HECA: variants seen among roughly 807,000 people sequenced by gnomAD.
HECA encodes HECA ribonucleoprotein granule regulator, also known as headcase protein homolog.
HECA carries 13 observed loss-of-function variants against 37.6 expected under a neutral mutation model. The observed-to-expected ratio is 0.35, with a 90% CI of 0.23 to 0.55. The LOEUF is 0.55. Among genes scored for constraint, HECA ranks in the 20% least tolerant of loss-of-function variants. HECA has a pLI of 0.90. For missense variants in HECA, 527 were observed against 701.9 expected, an observed-to-expected ratio of 0.75 and a Z score of 2.82; for synonymous variants, 307 against 291.5, an observed-to-expected ratio of 1.05 and a Z score of -0.54.
chr6:139,168,703 C>T (rs552967133), intron 2 of HECA, among the ~76,000 whole-genome samples: 9 of 151,702 alleles, frequency 5.9e-5, no homozygotes, highest in African/African-American at 7.3e-5. Context: ...ATTTTTTTCT[C>T]GGTTTATTCT....
chr6:139,155,264 A>T (rs1368720084), intron 1 of HECA, among the ~76,000 whole-genome samples: 1 of 152,228 alleles, frequency 6.6e-6, no homozygotes, highest in Non-Finnish European at 1.5e-5. Context: ...AAAATACAGT[A>T]CAAAAGATAA....
In HECA at chr6:139,167,091, A is replaced by G. The variant is rs1300949040; in HGVS notation, c.1079A>G (p.Lys360Arg). Reference protein sequence around the residue: ...SELLTHIPRHKLNTFHVRMED... With the variant: ...SELLTHIPRHRLNTFHVRMED... ...CTCCTCACTCACATCCCCAGGCATA[A>G]GCTGAACACTTTCCACGTGCGCATG... Residue 360 changes from lysine (K) to arginine (R), a missense_variant, in exon 2 of 4, where the codon AAG becomes AGG. Lys to Arg is a conservative substitution (Grantham distance 26). Around this residue, in one of 4 missense-constraint regions of HECA, gnomAD observed 228 missense variants for 259.8 expected, o/e 0.88. Coordinates refer to ENST00000367658, the MANE Select transcript of HECA (RefSeq NM_016217.3). The G allele has an allele frequency of 6.2e-7, 1 of 1,614,196 alleles. No homozygotes were observed. Among genetic ancestry groups the G allele is most frequent in the Non-Finnish European group, 8.5e-7 (1 of 1,180,040 alleles).
At chr6:139,167,484 C>T (rs940201574) in intron 2 of HECA, among the ~76,000 whole-genome samples, 160 bp downstream of exon 2, 1 of 152,144 alleles carries the variant, frequency 6.6e-6, no homozygotes, top group African/African-American at 2.4e-5. Flanking sequence ...CCCAGTGACG[C>T]GGTGATTTTT....
At chr6:139,171,896 A>T (rs186683915) in intron 2 of HECA, among the ~76,000 whole-genome samples, 1 of 150,340 alleles carries the variant, frequency 6.7e-6, no homozygotes, top group African/African-American at 2.5e-5. Flanking sequence ...CAATGGTGCT[A>T]TCTCGGCTCA....
Position 139,166,791 on chromosome 6 carries a change from A to G in HECA, c.779A>G (p.Tyr260Cys). 2 of 1,613,668 alleles carry G rather than the reference A, an allele frequency of 1.2e-6. No individual in the cohort carries two copies. Among genetic ancestry groups the G allele is most frequent in the Non-Finnish European group, 1.7e-6 (2 of 1,179,946 alleles). The part of the protein sequence containing the change: ...SQEKAVGAAA[Y>C]GARSPGGSPG... ...GAGAAGGCAGTGGGTGCCGCAGCCTACGGTGCCCGTTCCCCCGGTGGCTCC... is the reference window on the plus strand; with the variant it reads ...GAGAAGGCAGTGGGTGCCGCAGCCTGCGGTGCCCGTTCCCCCGGTGGCTCC... The change falls in exon 2 of 4, where the codon TAC (tyrosine) becomes TGC (cysteine). Residue 260 changes from tyrosine (Y) to cysteine (C), a missense_variant. Around this residue, in one of 4 missense-constraint regions of HECA, gnomAD observed 228 missense variants for 259.8 expected, o/e 0.88. Transcript: ENST00000367658.
In HECA at chr6:139,171,809, CTTG is replaced by C. The variant is rs560943424; in HGVS notation, c.1313-2561_1313-2559del. 4.0e-4 allele frequency among the ~76,000 whole-genome samples: 61 copies of C among 151,258 alleles called. 1 individual carries two copies. Among genetic ancestry groups the C allele is most frequent in the Non-Finnish European group, 4.6e-4 (31 of 67,790 alleles). ...ACTCGGCTTATTTAATTTGTTTAAACTTGTTGTTGTTGTTGTTTGTTGTTGTGT... is the reference window on the plus strand; with the variant it reads ...ACTCGGCTTATTTAATTTGTTTAAACTTGTTGTTGTTGTTTGTTGTTGTGT... On this transcript the variant is annotated intron_variant, in intron 2 of 3. Transcript: ENST00000367658.
intron 1 of HECA, among the ~76,000 whole-genome samples, chr6:139,160,176 G>A (rs975718655): frequency 7.2e-5 from 11 of 152,182 alleles, no homozygotes; most frequent in African/African-American, 2.7e-4. Context: ...TTTAACTTGA[G>A]CAGAAGAAAT....
At chr6:139,149,379 T>A (rs1774624826) in intron 1 of HECA, among the ~76,000 whole-genome samples, 1 of 152,248 alleles carries the variant, frequency 6.6e-6, no homozygotes, top group Non-Finnish European at 1.5e-5. Flanking sequence ...TGATACTGTT[T>A]GTGACGAGCT....
chr6:139,157,603 A>C (rs1384867612), intron 1 of HECA, among the ~76,000 whole-genome samples: 3 of 152,242 alleles, frequency 2.0e-5, no homozygotes, highest in Non-Finnish European at 2.9e-5. Flanking sequence ...TGAAGAAGAA[A>C]TCTACTTCTT....
chr6:139,147,514 A>G (rs533911871), intron 1 of HECA, among the ~76,000 whole-genome samples: 304 of 152,090 alleles, frequency 2.0e-3, no homozygotes, highest in Non-Finnish European at 3.1e-3. Flanking sequence ...AGTCCCAGCT[A>G]CTCGGGAGGC....
intron 1 of HECA, among the ~76,000 whole-genome samples, chr6:139,153,689 G>T (rs930501956): frequency 6.6e-6 from 1 of 152,048 alleles, no homozygotes; most frequent in Non-Finnish European, 1.5e-5. Context: ...AAAGTGCTGG[G>T]ATTACAGGTG....
chr6:139,140,485 G>A (rs1273587021), intron 1 of HECA, among the ~76,000 whole-genome samples: 1 of 152,106 alleles, frequency 6.6e-6, no homozygotes, highest in Admixed American at 6.5e-5. Context: ...TCTTCTGTGC[G>A]CCGTTCATGG....
At chr6:139,170,215 T>G (rs1043248898) in intron 2 of HECA, 2 of 152,236 alleles carry the variant, frequency 1.3e-5, no homozygotes, top group Admixed American at 6.5e-5. Flanking sequence ...AGAATAGTAG[T>G]GTTCTTTTTC....
At position 139,177,031 on chromosome 6, in the gene HECA, T is replaced by A; in HGVS notation, c.1558T>A (p.Cys520Ser). 1 of 872,206 alleles carries A rather than the reference T, an allele frequency of 1.1e-6. No homozygotes were observed. The highest frequency in any genetic ancestry group is 2.0e-6 in the Non-Finnish European group (1 of 501,004). The allele number at this position is 872,206 out of a possible 1,614,324, so 54.0% of individuals were successfully genotyped here. The change falls in exon 4 of 4, where the codon TGT becomes AGT. Residue 520 changes from cysteine to serine, a missense_variant. Cys to Ser is a moderately radical substitution (Grantham distance 112). Around this residue, in one of 4 missense-constraint regions of HECA, gnomAD observed 106 missense variants for 193.4 expected, o/e 0.55. Coordinates refer to ENST00000367658, the MANE Select transcript of HECA (RefSeq NM_016217.3). The surrounding 1 kb of genome is among the most constrained non-coding windows in gnomAD (Gnocchi z 4.9). ...CTCCGAATATAGCAACGTCCAGCAG[T>A]GTCCACACTGTGGGAACCTGGACTA... ...YFSEYSNVQQ[C>S]PHCGNLDYHF...
chr6:139,179,856 T>C lies in HECA; in HGVS notation c.*2751T>C, dbSNP rs1192409543. The C allele has an allele frequency of 1.3e-5, 2 of 152,216 alleles. No homozygotes were observed. Among genetic ancestry groups the C allele is most frequent in the Non-Finnish European group, 2.9e-5 (2 of 68,032 alleles). 9.4% of individuals were successfully genotyped at this position (152,216 alleles called of 1,614,324 possible). On this transcript the variant is annotated 3_prime_UTR_variant, in exon 4 of 4. Transcript: ENST00000367658. ...TTCTGATGAATAGTGTTCAGTAAAA[T>C]GAAGCAGTCTTAAGAGTGACTAATA...
intron 1 of HECA, among the ~76,000 whole-genome samples, chr6:139,162,024 T>C (rs538422422): frequency 1.3e-5 from 2 of 152,324 alleles, no homozygotes; most frequent in South Asian, 4.1e-4. Flanking sequence ...CCTCTTGTCA[T>C]GTGTGGGTTT....
chr6:139,166,147 A>C (rs1761850415), intron 1 of HECA, 137 bp from the exon 2 acceptor site: 2 of 700,520 alleles, frequency 2.9e-6, no homozygotes, highest in South Asian at 1.9e-5. Context: ...GGAGTGATTC[A>C]TCTTTAAAGG....
chr6:139,150,759 A>G (rs1774640735), intron 1 of HECA, among the ~76,000 whole-genome samples: 1 of 152,156 alleles, frequency 6.6e-6, no homozygotes, highest in Non-Finnish European at 1.5e-5. Context: ...CATACCATAA[A>G]ATTATATCTG....
intron 1 of HECA, among the ~76,000 whole-genome samples, chr6:139,146,287 A>G (rs1000862737): frequency 3.3e-5 from 5 of 152,224 alleles, no homozygotes; most frequent in Non-Finnish European, 5.9e-5. Flanking sequence ...TTGAAAATGT[A>G]TATTTTTCTC....
Sources: allele counts gnomAD v4.1 joint callset (sites outside exome capture counted in the v4.1 genomes callset), GRCh38; gene constraint gnomAD v4.1.1; regional missense constraint gnomAD v4.1.1; non-coding constraint Gnocchi (gnomAD v3.1); transcripts MANE v1.5; gene names NCBI Gene and HGNC (gene_info 2026-07-23, HGNC 2026-07-21).